Variants in PPFIBP1 observed in about 807,000 individuals in gnomAD.
The protein encoded by PPFIBP1 is PPFIB scaffold protein 1, also known as liprin-beta-1.
Under a neutral mutation model 137.8 loss-of-function variants are expected in PPFIBP1, and 112 were observed. The ratio of observed to expected loss-of-function variants is 0.81; its 90% CI spans 0.70 to 0.95. The LOEUF is 0.95. PPFIBP1 is among the 40% of genes least tolerant of loss of function. The pLI, the probability that PPFIBP1 is intolerant of heterozygous loss-of-function variation, is 0.00. For synonymous variants in PPFIBP1, 378 were observed against 417.3 expected, an observed-to-expected ratio of 0.91 and a Z score of 1.15; for missense variants, 1,083 against 1,196.6, an observed-to-expected ratio of 0.91 and a Z score of 1.40.
intron 2 of PPFIBP1, among the ~76,000 whole-genome samples, chr12:27,615,790 G>A (rs2055680529): frequency 6.6e-6 from 1 of 152,136 alleles, no homozygotes; most frequent in Non-Finnish European, 1.5e-5. Context: ...ACAGGGCAGG[G>A]TCAGGGACCA....
chr12:27,612,121 CTTGCAGCTG>C, intron 2 of PPFIBP1, among the ~76,000 whole-genome samples: 1 of 152,152 alleles, frequency 6.6e-6, no homozygotes, highest in African/African-American at 2.4e-5. Flanking sequence ...ATTGCAAGAA[CTTGCAGCTG>C]ACTTTCTATC....
intron 2 of PPFIBP1, among the ~76,000 whole-genome samples, chr12:27,581,283 T>C (rs1350479882): frequency 1.3e-5 from 2 of 152,220 alleles, no homozygotes; most frequent in Non-Finnish European, 2.9e-5. Context: ...GTCTCTCCTC[T>C]GTGCCAGTGG....
In PPFIBP1 at chr12:27,650,747, T is replaced by A. The variant is rs535134999; in HGVS notation, c.603+606T>A. Among the ~76,000 whole-genome samples, 7 of 152,360 alleles carry A rather than the reference T, an allele frequency of 4.6e-5. No homozygotes were observed. In the South Asian group the frequency reaches 1.4e-3, roughly 32 times the overall value. ...ATTTTAGTGGCTTAACAAGCTTTAT[T>A]GTTTGTTCTATTTTGTTAATTCAGG... On this transcript the variant is annotated intron_variant, in intron 7 of 29. Coordinates refer to ENST00000228425, the MANE Select transcript of PPFIBP1 (RefSeq NM_003622.4).
intron 19 of PPFIBP1, chr12:27,677,955 C>T (rs553815178): frequency 6.6e-6 from 1 of 152,312 alleles, no homozygotes; most frequent in African/African-American, 2.4e-5. Flanking sequence ...CTAGAATGAA[C>T]ACTGGATGCA....
Position 27,646,180 on chromosome 12 carries a change from G to A in PPFIBP1, c.357+32G>A, listed in dbSNP as rs75995034. On this transcript the variant is annotated intron_variant, in intron 5 of 29. Coordinates refer to ENST00000228425, the MANE Select transcript of PPFIBP1 (RefSeq NM_003622.4). ...GATTTTTAAATACTGTTCTTTCCTT[G>A]CAGCATACTTACAAAGCCTTTTAAA... The A allele has an allele frequency of 9.4e-4, 1,430 of 1,520,730 alleles. 16 individuals are homozygous for A. In the African/African-American group the frequency reaches 0.018, roughly 19 times the overall value. 94.2% of individuals were successfully genotyped at this position (1,520,730 alleles called of 1,614,324 possible). A position where few individuals can be genotyped will look rare whatever the true frequency, so the allele number is the denominator to read the frequency against.
At chr12:27,682,800 C>T in intron 24 of PPFIBP1, 97 bp downstream of exon 24, 2 of 1,572,692 alleles carry the variant, frequency 1.3e-6, no homozygotes, top group Non-Finnish European at 1.7e-6. Context: ...TCAGTGATTC[C>T]ACCAGAGTTT....
At chr12:27,556,374 T>C (rs1020656847) in intron 1 of PPFIBP1, among the ~76,000 whole-genome samples, 10 of 152,230 alleles carry the variant, frequency 6.6e-5, no homozygotes, top group Admixed American at 5.2e-4. Flanking sequence ...TTTGTTATCA[T>C]AGAGTGAAAA....
At chr12:27,556,306 A>G (rs2048699145) in intron 1 of PPFIBP1, among the ~76,000 whole-genome samples, 1 of 152,234 alleles carries the variant, frequency 6.6e-6, no homozygotes, top group South Asian at 2.1e-4. Flanking sequence ...AATATTGAAA[A>G]TAAATATTGT....
intron 15 of PPFIBP1, 108 bp from the exon 16 acceptor site, chr12:27,673,659 T>A: frequency 1.2e-6 from 1 of 847,398 alleles, no homozygotes; most frequent in Non-Finnish European, 1.9e-6. Context: ...TTTCTTTTAT[T>A]GCCAGGATTC....
chr12:27,559,202 C>T (rs1424751254), intron 1 of PPFIBP1, among the ~76,000 whole-genome samples: 3 of 146,816 alleles, frequency 2.0e-5, no homozygotes, highest in Non-Finnish European at 3.0e-5. Flanking sequence ...GACGGAGTCT[C>T]GCTCTGTTGC....
chr12:27,528,554 G>A (rs556186142), intron 1 of PPFIBP1, among the ~76,000 whole-genome samples: 1 of 152,240 alleles, frequency 6.6e-6, no homozygotes, highest in African/African-American at 2.4e-5. Flanking sequence ...AAACTAAACT[G>A]AATTATTCCA....
chr12:27,672,550 A>G (rs2060265597), intron 15 of PPFIBP1, 67 bp downstream of exon 15: 1 of 1,141,762 alleles, frequency 8.8e-7, no homozygotes, highest in Admixed American at 2.0e-5. Flanking sequence ...CTGTTATACT[A>G]ACAATTACTA....
chr12:27,691,014 C>A (rs973584086), intron 27 of PPFIBP1, among the ~76,000 whole-genome samples: 7 of 149,718 alleles, frequency 4.7e-5, no homozygotes, highest in African/African-American at 1.7e-4. Flanking sequence ...TTTTTTTTTA[C>A]CCCCTCTATC....
chr12:27,565,140 T>C (rs2049533155), intron 1 of PPFIBP1, among the ~76,000 whole-genome samples: 1 of 152,222 alleles, frequency 6.6e-6, no homozygotes, highest in South Asian at 2.1e-4. Flanking sequence ...ATGACATCAC[T>C]ACCTTATTTT....
chr12:27,652,518 A>T (rs184020757), intron 7 of PPFIBP1, among the ~76,000 whole-genome samples: 33 of 152,238 alleles, frequency 2.2e-4, no homozygotes, highest in Non-Finnish European at 4.4e-4. Flanking sequence ...AAAGTTTTAC[A>T]TTAGGGAGCC....
chr12:27,625,520 C>T (rs1311709327), intron 2 of PPFIBP1, among the ~76,000 whole-genome samples: 3 of 151,372 alleles, frequency 2.0e-5, no homozygotes, highest in Non-Finnish European at 4.4e-5. Flanking sequence ...ATATCAAATA[C>T]ACACTGTTCA....
intron 1 of PPFIBP1, among the ~76,000 whole-genome samples, chr12:27,565,505 C>T (rs2049565850): frequency 6.6e-6 from 1 of 152,108 alleles, no homozygotes; most frequent in African/African-American, 2.4e-5. Flanking sequence ...TATTCATTTG[C>T]CAGCATTTCT....
intron 24 of PPFIBP1, among the ~76,000 whole-genome samples, chr12:27,683,253 A>G (rs997777424): frequency 7.2e-5 from 11 of 152,184 alleles, no homozygotes; most frequent in African/African-American, 2.6e-4. Context: ...TTTAGTAGAG[A>G]CGGAGTTTCG....
At chr12:27,587,126 G>A (rs920476827) in intron 2 of PPFIBP1, among the ~76,000 whole-genome samples, 1 of 152,112 alleles carries the variant, frequency 6.6e-6, no homozygotes, top group Non-Finnish European at 1.5e-5. Context: ...TTTACAGTTA[G>A]GACTTGAAGG....
Sources: gnomAD v4.1 joint callset for allele counts (sites outside exome capture counted in the v4.1 genomes callset) on GRCh38, gnomAD v4.1.1 for gene constraint, MANE v1.5 for transcripts, NCBI Gene and HGNC (gene_info 2026-07-23, HGNC 2026-07-21) for gene names.